The following SEMA5A variants were observed in gnomAD, a reference collection of about 807,000 sequenced individuals.
SEMA5A encodes the protein semaphorin-5A.
SEMA5A carries 55 observed loss-of-function variants against 135.5 expected under a neutral mutation model. That is an observed-to-expected ratio of 0.41 (90% CI 0.33 to 0.51). The LOEUF is 0.51. SEMA5A is among the 20% of genes least tolerant of loss of function. The probability of loss-of-function intolerance (pLI) is 0.37; values close to 1 mark genes in which losing one functional copy is unlikely to be tolerated. For missense variants in SEMA5A, 1,290 were observed against 1,419.9 expected (o/e 0.91, Z 1.47); for synonymous variants, 580 against 546.5 (o/e 1.06, Z -0.85).
intron 4 of SEMA5A, among the ~76,000 whole-genome samples, chr5:9,325,196 C>A: frequency 6.7e-6 from 1 of 150,230 alleles, no homozygotes; most frequent in African/African-American, 2.4e-5. Context: ...ATGGCTATAG[C>A]AAATAAAAAC....
At chr5:9,079,808 A>T (rs1382614858) in intron 16 of SEMA5A, among the ~76,000 whole-genome samples, 1 of 152,194 alleles carries the variant, frequency 6.6e-6, no homozygotes, top group African/African-American at 2.4e-5. Flanking sequence ...GCTCAACATC[A>T]CTGGTCACTA....
At chr5:9,074,722 C>A (rs752591938) in intron 16 of SEMA5A, among the ~76,000 whole-genome samples, 2 of 152,004 alleles carry the variant, frequency 1.3e-5, no homozygotes, top group Non-Finnish European at 2.9e-5. Flanking sequence ...GCAAAACAAG[C>A]GTATGTAAAC....
chr5:9,415,573 T>C (rs988263884), intron 2 of SEMA5A, among the ~76,000 whole-genome samples: 1 of 152,230 alleles, frequency 6.6e-6, no homozygotes, highest in Non-Finnish European at 1.5e-5. Flanking sequence ...TTTTTATAAT[T>C]TTCTCAACCT....
In SEMA5A at chr5:9,454,029, T is replaced by A. The variant is rs574444441; in HGVS notation, c.-174-16177A>T. On this transcript the variant is annotated intron_variant, in intron 1 of 22. Coordinates refer to ENST00000382496, the MANE Select transcript of SEMA5A (RefSeq NM_003966.3). ...TTGCTTCAGGGGAGCACAGAACTTA[T>A]CTTGCTAACTGAAAGCTGGGAGCCA... is the stretch of plus-strand genomic sequence containing the variant. 3.3e-5 allele frequency among the ~76,000 whole-genome samples: 5 copies of A among 152,296 alleles called. No individual in the cohort carries two copies. In the East Asian group the frequency reaches 9.6e-4, roughly 29 times the overall value.
At chr5:9,083,958 A>G (rs543220240) in intron 16 of SEMA5A, among the ~76,000 whole-genome samples, 1 of 152,298 alleles carries the variant, frequency 6.6e-6, no homozygotes, top group Admixed American at 6.5e-5. Context: ...TGCAACACAT[A>G]CAGCATTTTA....
chr5:9,459,239 G>A (rs934688967), intron 1 of SEMA5A, among the ~76,000 whole-genome samples: 9 of 152,132 alleles, frequency 5.9e-5, no homozygotes, highest in African/African-American at 2.2e-4. Flanking sequence ...GCTTCCTCCT[G>A]TTCACACTCC....
At chr5:9,136,448 G>A (rs1741752958) in intron 13 of SEMA5A, 56 bp downstream of exon 13, 6 of 1,441,438 alleles carry the variant, frequency 4.2e-6, no homozygotes, top group South Asian at 2.3e-5. Context: ...GGATCGCCAG[G>A]GGAGCATGGC....
At chr5:9,302,141 T>C (rs536740018) in intron 5 of SEMA5A, among the ~76,000 whole-genome samples, 5 of 152,268 alleles carry the variant, frequency 3.3e-5, no homozygotes, top group African/African-American at 1.2e-4. Context: ...ACACATGTGA[T>C]TGTATCTAAG....
chr5:9,059,171 CT>C (rs4002250), intron 18 of SEMA5A, among the ~76,000 whole-genome samples: 189 of 145,282 alleles, frequency 1.3e-3, no homozygotes, highest in East Asian at 8.6e-3. Flanking sequence ...ATTTTCTTTT[CT>C]TTTTTTTTTT....
chr5:9,314,348 A>G (rs1752298352), intron 5 of SEMA5A, among the ~76,000 whole-genome samples: 1 of 150,166 alleles, frequency 6.7e-6, no homozygotes, highest in Admixed American at 6.6e-5. Context: ...TAAAACACAC[A>G]CTGGAGTTTG....
intron 16 of SEMA5A, among the ~76,000 whole-genome samples, chr5:9,095,946 G>A (rs62356660): frequency 0.032 from 4,937 of 152,258 alleles, 138 homozygotes; most frequent in Middle Eastern, 0.048. Flanking sequence ...ATTATATTGC[G>A]TATTGCAAAT....
intron 5 of SEMA5A, among the ~76,000 whole-genome samples, chr5:9,314,130 G>T (rs1752286729): frequency 6.6e-6 from 1 of 152,146 alleles, no homozygotes. Flanking sequence ...TAACTTTGGA[G>T]AGAGAAAAGG....
intron 6 of SEMA5A, among the ~76,000 whole-genome samples, chr5:9,232,502 G>C (rs1050715421): frequency 1.3e-5 from 2 of 152,170 alleles, no homozygotes; most frequent in African/African-American, 4.8e-5. Context: ...ATGTATGTGT[G>C]TATGTGTGTG....
intron 1 of SEMA5A, among the ~76,000 whole-genome samples, chr5:9,480,837 G>C (rs1759848945): frequency 6.6e-6 from 1 of 152,140 alleles, no homozygotes; most frequent in South Asian, 2.1e-4. Context: ...ATTATATCAG[G>C]TAAAATTTAG....
chr5:9,464,555 T>G (rs1302210637), intron 1 of SEMA5A, among the ~76,000 whole-genome samples: 1 of 152,226 alleles, frequency 6.6e-6, no homozygotes, highest in Non-Finnish European at 1.5e-5. Context: ...AATATATTTT[T>G]TAGAAAGCAA....
chr5:9,436,569 A>G (rs2126669244), intron 2 of SEMA5A, among the ~76,000 whole-genome samples: 1 of 152,350 alleles, frequency 6.6e-6, no homozygotes, highest in East Asian at 1.9e-4. Context: ...CAAGAGCAGG[A>G]ATGGTCACCA....
chr5:9,442,860 G>A (rs1170691632), intron 1 of SEMA5A, among the ~76,000 whole-genome samples: 2 of 152,192 alleles, frequency 1.3e-5, no homozygotes, highest in Admixed American at 1.3e-4. Flanking sequence ...AGGAATGAAT[G>A]TTCTTGAATT....
chr5:9,488,803 T>A (rs1734855767), intron 1 of SEMA5A, among the ~76,000 whole-genome samples: 1 of 152,212 alleles, frequency 6.6e-6, no homozygotes, highest in Non-Finnish European at 1.5e-5. Context: ...ACCATAAGGT[T>A]CAAAGATTTT....
At chr5:9,415,534 C>T (rs1757253948) in intron 2 of SEMA5A, among the ~76,000 whole-genome samples, 1 of 152,088 alleles carries the variant, frequency 6.6e-6, no homozygotes, top group African/African-American at 2.4e-5. Context: ...TTATCTTTTC[C>T]ATTAACATCA....
Sources: allele counts gnomAD v4.1 joint callset (sites outside exome capture counted in the v4.1 genomes callset), GRCh38; gene constraint gnomAD v4.1.1; transcripts MANE v1.5; gene names NCBI Gene and HGNC (gene_info 2026-07-23, HGNC 2026-07-21).